CATSPERE: variants seen among roughly 807,000 people sequenced by gnomAD.
The protein encoded by CATSPERE is catsper channel auxiliary subunit epsilon, also known as cation channel sperm-associated auxiliary subunit epsilon.
CATSPERE carries 93 observed loss-of-function variants against 114.1 expected under a neutral mutation model. The observed-to-expected ratio is 0.81, with a 90% CI of 0.69 to 0.97. CATSPERE has a LOEUF of 0.97. CATSPERE is among the 50% of genes least tolerant of loss of function. The pLI is 0.00. For missense variants in CATSPERE, 1,058 were observed against 1,131.6 expected, an observed-to-expected ratio of 0.93 and a Z score of 0.93; for synonymous variants, 341 against 384.1, an observed-to-expected ratio of 0.89 and a Z score of 1.31.
At position 244,552,748 on chromosome 1, in the gene CATSPERE, T is replaced by A; in HGVS notation, c.963T>A (p.Asn321Lys). ...RGFIRLGGIV[N>K]LPDGGITGIS... ...TTATAAGACTGGGAGGAATTGTAAA[T>A]CTTCCTGATGGTGGAATTACTGGCA... The change falls in exon 9 of 22, where the codon AAT (asparagine) becomes AAA (lysine). Residue 321 changes from asparagine to lysine, a missense_variant. By Grantham distance (94) the Asn-to-Lys change is moderately conservative (BLOSUM62 0). This residue lies in a region of CATSPERE where 787 missense variants were observed against 905.6 expected (regional missense o/e 0.87). Coordinates refer to ENST00000366534, the MANE Select transcript of CATSPERE (RefSeq NM_001130957.2). The A allele has an allele frequency of 1.2e-6, 2 of 1,613,004 alleles. No individual in the cohort carries two copies. The highest frequency in any genetic ancestry group is 1.7e-6 in the Non-Finnish European group (2 of 1,179,636).
At chr1:244,625,252 T>C (rs1023002277) in intron 20 of CATSPERE, among the ~76,000 whole-genome samples, 1 of 150,994 alleles carries the variant, frequency 6.6e-6, no homozygotes, top group Non-Finnish European at 1.5e-5. Context: ...ATTGTGTTAG[T>C]AGGCATGATA....
Position 244,461,419 on chromosome 1 carries a change from G to T in CATSPERE, c.-11G>T. 7.3e-7 allele frequency: 1 copy of T among 1,371,854 alleles called. No individual in the cohort carries two copies. The highest frequency in any genetic ancestry group is 1.8e-5 in the South Asian group (1 of 55,626). 85.0% of individuals were successfully genotyped at this position (1,371,854 alleles called of 1,614,324 possible). The stretch of plus-strand genomic sequence containing the variant: ...TGGCCGAGGCGGTTGGGCGGAGGCG[G>T]AGCAGGCGCCATGTCAGCCCGGGAA... On this transcript the variant is annotated 5_prime_UTR_variant, in exon 1 of 22. Transcript: ENST00000366534.
intron 20 of CATSPERE, among the ~76,000 whole-genome samples, chr1:244,622,065 G>A (rs779518990): frequency 2.6e-5 from 4 of 152,206 alleles, no homozygotes; most frequent in Non-Finnish European, 5.9e-5. Context: ...TCCAAAGTCT[G>A]AATGACACCC....
chr1:244,544,529 C>T (rs938396063), intron 8 of CATSPERE, among the ~76,000 whole-genome samples: 16 of 152,142 alleles, frequency 1.1e-4, no homozygotes, highest in Non-Finnish European at 2.2e-4. Context: ...TAGTTCCTGT[C>T]CTGTGAAGTG....
At chr1:244,639,204 T>A (rs959673046) in intron 21 of CATSPERE, among the ~76,000 whole-genome samples, 3 of 152,240 alleles carry the variant, frequency 2.0e-5, no homozygotes, top group African/African-American at 7.2e-5. Flanking sequence ...CACATTTCCA[T>A]GCCTTCTCAT....
chr1:244,621,085 AT>A (rs58490543), intron 20 of CATSPERE, among the ~76,000 whole-genome samples: 3 of 69,906 alleles, frequency 4.3e-5, no homozygotes, highest in East Asian at 7.2e-4. Flanking sequence ...ATATATATAA[AT>A]ATATATAAAA....
chr1:244,472,422 C>T (rs142841474), intron 2 of CATSPERE, among the ~76,000 whole-genome samples: 20 of 152,160 alleles, frequency 1.3e-4, no homozygotes, highest in Admixed American at 3.3e-4. Flanking sequence ...TTGACAGGAC[C>T]ATTTTCCTGG....
intron 6 of CATSPERE, among the ~76,000 whole-genome samples, chr1:244,497,729 G>A (rs569127693): frequency 3.3e-5 from 5 of 152,292 alleles, no homozygotes; most frequent in Admixed American, 1.3e-4. Context: ...CCCAGGAGGT[G>A]GAGGTTGCAG....
rs1018505286 is a variant in CATSPERE, at chr1:244,525,232, C to T, written c.536+6534C>T. Among the ~76,000 whole-genome samples the T allele has an allele frequency of 9.3e-5, 14 of 149,774 alleles. 1 individual carries two copies. Among genetic ancestry groups the T allele is most frequent in the African/African-American group, 1.7e-4 (7 of 40,202 alleles). On this transcript the variant is annotated intron_variant, in intron 8 of 21. Transcript: ENST00000366534. The stretch of plus-strand genomic sequence containing the variant: ...GAAATCATCATTCTCAGTAAACTAT[C>T]GCAAGAACAAAAAACCAAACACTGC...
intron 14 of CATSPERE, 108 bp from the exon 15 acceptor site, chr1:244,591,573 G>A: frequency 1.6e-6 from 1 of 620,112 alleles, no homozygotes; most frequent in Admixed American, 3.5e-5. Context: ...AGTAAATGAT[G>A]ATTCTCTGAC....
chr1:244,574,231 A>G (rs1028019554), intron 11 of CATSPERE, among the ~76,000 whole-genome samples: 1 of 152,220 alleles, frequency 6.6e-6, no homozygotes, highest in Non-Finnish European at 1.5e-5. Flanking sequence ...TAAATAATAA[A>G]GGGGCATAGA....
rs1016522661 is a variant in CATSPERE at position 244,504,134 on chromosome 1, C to T, written c.429+5055C>T. 2.4e-4 allele frequency among the ~76,000 whole-genome samples: 36 copies of T among 152,066 alleles called. No individual in the cohort carries two copies. Among genetic ancestry groups the T allele is most frequent in the Admixed American group, 2.2e-3 (34 of 15,256 alleles). ...GGACAGTTAAATATTCCTCTGTTCACCATGTTTAACAAATAAAAGAGCACA... is the reference window on the plus strand; with the variant it reads ...GGACAGTTAAATATTCCTCTGTTCATCATGTTTAACAAATAAAAGAGCACA... On this transcript the variant is annotated intron_variant, in intron 7 of 21. Transcript: ENST00000366534. The surrounding 1 kb of genome is among the most constrained non-coding windows in gnomAD (Gnocchi z 4.1).
At chr1:244,538,875 A>G (rs1056312830) in intron 8 of CATSPERE, among the ~76,000 whole-genome samples, 3 of 152,136 alleles carry the variant, frequency 2.0e-5, no homozygotes, top group African/African-American at 7.2e-5. Flanking sequence ...GCATACAGCA[A>G]CCAGCACGTG....
intron 10 of CATSPERE, among the ~76,000 whole-genome samples, chr1:244,564,667 C>T (rs146820120): frequency 0.012 from 1,815 of 152,138 alleles, 43 homozygotes; most frequent in African/African-American, 0.04. Context: ...TGGGGTTTTC[C>T]AAATATACAA....
In CATSPERE at chr1:244,495,614, G is replaced by A. The variant is rs186650152; in HGVS notation, c.352-3388G>A. Among the ~76,000 whole-genome samples, 809 of 152,164 alleles carry A rather than the reference G, an allele frequency of 5.3e-3. 10 individuals carry two copies. The highest frequency in any genetic ancestry group is 0.019 in the African/African-American group (778 of 41,516). ...TGCATGCCTGTAATCCCAGCTACTC[G>A]GGAGGCTGAGGCTGGAGAATCACTT... On this transcript the variant is annotated intron_variant, in intron 6 of 21. Transcript: ENST00000366534.
At chr1:244,626,555 T>A (rs904341893) in intron 20 of CATSPERE, among the ~76,000 whole-genome samples, 18 of 151,218 alleles carry the variant, frequency 1.2e-4, no homozygotes, top group African/African-American at 4.4e-4. Context: ...TCATCCACAC[T>A]GAAAATCTGT....
intron 20 of CATSPERE, among the ~76,000 whole-genome samples, chr1:244,622,800 C>T (rs1672567045): frequency 6.6e-6 from 1 of 152,116 alleles, no homozygotes; most frequent in Admixed American, 6.5e-5. Context: ...TTTACTTCAT[C>T]CAAAGAGAAT....
chr1:244,572,392 A>G lies in CATSPERE; in HGVS notation c.1570A>G (p.Thr524Ala). ...NNVIFYSKIN[T>A]RDAVKLHLWT... ...TGTAATATTTTATTCCAAGATTAAT[A>G]CTAGAGATGCAGTAAAGCTGCATTT... Residue 524 changes from threonine to alanine, a missense_variant, in exon 11 of 22, where the codon ACT (threonine) becomes GCT (alanine). By Grantham distance (58) the Thr-to-Ala change is moderately conservative (BLOSUM62 0). Around this residue, in one of 2 missense-constraint regions of CATSPERE, gnomAD observed 787 missense variants for 905.6 expected, o/e 0.87. Transcript: ENST00000366534. 2 of 1,545,922 alleles carry G rather than the reference A, an allele frequency of 1.3e-6. No individual in the cohort carries two copies. Among genetic ancestry groups the G allele is most frequent in the Non-Finnish European group, 1.8e-6 (2 of 1,118,680 alleles).
At chr1:244,635,572 T>C in intron 21 of CATSPERE, 30 bp downstream of exon 21, 1 of 1,559,472 alleles carries the variant, frequency 6.4e-7, no homozygotes, top group Non-Finnish European at 8.8e-7. Context: ...TGGACTTTAA[T>C]TAGGGAATTT....
Sources: gnomAD v4.1 joint callset for allele counts (sites outside exome capture counted in the v4.1 genomes callset) on GRCh38, gnomAD v4.1.1 for gene constraint, gnomAD v4.1.1 regional missense constraint, Gnocchi (gnomAD v3.1) non-coding constraint, MANE v1.5 for transcripts, NCBI Gene and HGNC (gene_info 2026-07-23, HGNC 2026-07-21) for gene names.